Variants in ISM1 observed in about 807,000 individuals in gnomAD.
ISM1 encodes isthmin 1, also known as isthmin-1.
Under a neutral mutation model 46.3 loss-of-function variants are expected in ISM1, and 25 were observed. That is an observed-to-expected ratio of 0.54 (90% CI 0.39 to 0.75). The LOEUF is 0.75. Among genes scored for constraint, ISM1 ranks in the 30% least tolerant of loss-of-function variants. The pLI is 0.00. For synonymous variants in ISM1, 255 were observed against 256.7 expected (o/e 0.99, Z 0.06); for missense variants, 536 against 625.4 (o/e 0.86, Z 1.52).
In ISM1 at chr20:13,226,946, TC is replaced by T. The variant is rs367909548; in HGVS notation, c.138+5033del. The stretch of plus-strand genomic sequence containing the variant: ...TGCGTACAGGGAGGAATCATAGGCA[TC>T]TTTTTATCTTTGTTCTCCTAATTTT... On this transcript the variant is annotated intron_variant, in intron 1 of 5. Coordinates refer to ENST00000262487, the MANE Select transcript of ISM1 (RefSeq NM_080826.2). Among the ~76,000 whole-genome samples, 41 of 152,274 alleles carry T rather than the reference TC, an allele frequency of 2.7e-4. No homozygotes were observed. In the East Asian group the frequency reaches 7.5e-3, roughly 28 times the overall value.
At chr20:13,289,405 G>T (rs573621788) in intron 4 of ISM1, among the ~76,000 whole-genome samples, 1 of 152,164 alleles carries the variant, frequency 6.6e-6, no homozygotes, top group South Asian at 2.1e-4. Context: ...CGCAACCTGG[G>T]GCGTCTTGGT....
chr20:13,236,172 C>T (rs900002350), intron 1 of ISM1, among the ~76,000 whole-genome samples: 2 of 152,144 alleles, frequency 1.3e-5, no homozygotes, highest in African/African-American at 4.8e-5. Context: ...ATCCACCCAC[C>T]TCGGCCTCCC....
intron 2 of ISM1, among the ~76,000 whole-genome samples, chr20:13,275,205 T>C (rs892795667): frequency 4.7e-5 from 6 of 127,926 alleles, no homozygotes; most frequent in Non-Finnish European, 1.1e-4. Context: ...AAGACGGACT[T>C]AAAAATAGTC....
Position 13,221,798 on chromosome 20 carries a change from C to T in ISM1, c.22C>T (p.Leu8=). The T allele has an allele frequency of 7.2e-7, 1 of 1,391,766 alleles. No homozygotes were observed. The highest frequency in any genetic ancestry group is 9.4e-7 in the Non-Finnish European group (1 of 1,068,388). The allele number at this position is 1,391,766 out of a possible 1,614,324, so 86.2% of individuals were successfully genotyped here. A position where few individuals can be genotyped will look rare whatever the true frequency, so the allele number is the denominator to read the frequency against. ...AAGGATGGTGCGCCTGGCGGCCGAG[C>T]TGCTGCTGCTGCTGGGGCTGCTGCT... The part of the protein sequence containing the change: MVRLAAE[L]LLLLGLLLLT... The change falls in exon 1 of 6, where the codon CTG becomes TTG. Residue 8 remains leucine, a synonymous_variant. Transcript: ENST00000262487.
At chr20:13,228,289 A>G (rs1043475318) in intron 1 of ISM1, among the ~76,000 whole-genome samples, 41 of 152,010 alleles carry the variant, frequency 2.7e-4, no homozygotes, top group African/African-American at 9.7e-4. Flanking sequence ...TGCTGCTTCA[A>G]TCTCATACTT....
At chr20:13,271,875 C>T (rs1472370848) in intron 2 of ISM1, among the ~76,000 whole-genome samples, 1 of 152,150 alleles carries the variant, frequency 6.6e-6, no homozygotes, top group Admixed American at 6.5e-5. Context: ...ACCTCCCAGG[C>T]TCAAGCGATC....
At chr20:13,294,832 T>C (rs1440167357) in intron 5 of ISM1, among the ~76,000 whole-genome samples, 1 of 152,188 alleles carries the variant, frequency 6.6e-6, no homozygotes, top group Non-Finnish European at 1.5e-5. Context: ...AGAAGTGCTA[T>C]TTTTATGCCC....
At chr20:13,306,949 C>T in the ISM1 span, among the ~76,000 whole-genome samples, 2 of 152,126 alleles carry the variant, frequency 1.3e-5, no homozygotes, top group African/African-American at 4.8e-5. Flanking sequence ...CCCAAGGCCA[C>T]CTGCTCTGTG....
chr20:13,228,870 C>T (rs1043432763), intron 1 of ISM1, among the ~76,000 whole-genome samples: 22 of 152,106 alleles, frequency 1.4e-4, no homozygotes, highest in African/African-American at 1.4e-4. Context: ...TCTTATGTCT[C>T]GAGGCATTCT....
the ISM1 span, among the ~76,000 whole-genome samples, chr20:13,311,888 T>G: frequency 1.1e-4 from 17 of 152,308 alleles, no homozygotes; most frequent in Middle Eastern, 3.4e-3. Context: ...ATGACTGTAG[T>G]TAATAATCTA....
intron 1 of ISM1, among the ~76,000 whole-genome samples, chr20:13,251,169 C>T (rs1247088076): frequency 1.3e-5 from 2 of 152,190 alleles, no homozygotes; most frequent in Non-Finnish European, 1.5e-5. Context: ...GGATTTCTTT[C>T]ACCCAGTAGT....
chr20:13,239,739 G>A (rs1568665709), intron 1 of ISM1: 1 of 152,192 alleles, frequency 6.6e-6, no homozygotes, highest in African/African-American at 2.4e-5. Flanking sequence ...GTTGTTGTAG[G>A]CAAGAAAGCC....
chr20:13,279,622 T>C lies in ISM1; in HGVS notation c.379-12T>C, dbSNP rs1328189982. 1 of 1,608,412 alleles carries C rather than the reference T, an allele frequency of 6.2e-7. No individual in the cohort carries two copies. The highest frequency in any genetic ancestry group is 1.1e-5 in the South Asian group (1 of 90,464). On this transcript the variant is annotated splice_polypyrimidine_tract_variant and intron_variant, in intron 2 of 5. Coordinates refer to ENST00000262487, the MANE Select transcript of ISM1 (RefSeq NM_080826.2). The stretch of plus-strand genomic sequence containing the variant: ...ACTCCACACTGACCCCAGCCTGTTC[T>C]GAATTCTTCAGGTCACCATAGAGGT...
intron 2 of ISM1, among the ~76,000 whole-genome samples, chr20:13,277,961 A>AT (rs2040199110): frequency 6.6e-6 from 1 of 152,126 alleles, no homozygotes. Flanking sequence ...GGAAGGGGTT[A>AT]TTTGTCTCAG....
rs991809574 is a variant in ISM1 at position 13,221,912 on chromosome 20, C to A, written c.136C>A (p.Gln46Lys). ...GGGCAACGCCAGCCAAGCCCAGCTG[C>A]AGGTGAGTGCGCCGCCGGAGAGGGC... ...AAGNASQAQL[Q>K]NNLNVGSDTT... Residue 46 changes from glutamine (Q) to lysine (K), a missense_variant and splice_region_variant, in exon 1 of 6, where the codon CAG becomes AAG. Physicochemically the swap from Gln to Lys is moderately conservative, Grantham distance 53. Transcript: ENST00000262487. 1.3e-5 allele frequency: 18 copies of A among 1,347,468 alleles called. No individual in the cohort carries two copies. The highest frequency in any genetic ancestry group is 3.8e-5 in the South Asian group (2 of 53,216). The allele number at this position is 1,347,468 out of a possible 1,614,324, so 83.5% of individuals were successfully genotyped here.
chr20:13,253,877 ATGTG>A (rs1041028592), intron 1 of ISM1, among the ~76,000 whole-genome samples: 3 of 98,912 alleles, frequency 3.0e-5, no homozygotes, highest in African/African-American at 4.5e-5. Flanking sequence ...ATATATATAT[ATGTG>A]TGTGTGTATG....
intron 1 of ISM1, among the ~76,000 whole-genome samples, chr20:13,269,221 C>T (rs2123247277): frequency 6.6e-6 from 1 of 152,292 alleles, no homozygotes; most frequent in East Asian, 1.9e-4. Context: ...CCTTGTCTCT[C>T]TCCACCAGTA....
At chr20:13,323,256 G>A in the ISM1 span, among the ~76,000 whole-genome samples, 3 of 152,294 alleles carry the variant, frequency 2.0e-5, no homozygotes, top group South Asian at 6.2e-4. Context: ...GAAATGTGTT[G>A]AAGAAAAGAC....
At chr20:13,318,515 A>T in the ISM1 span, among the ~76,000 whole-genome samples, 68 of 152,340 alleles carry the variant, frequency 4.5e-4, no homozygotes, top group Admixed American at 2.9e-3. Context: ...TGTCCACACA[A>T]AAACAAAAAA....
Sources: gnomAD v4.1 joint callset for allele counts (sites outside exome capture counted in the v4.1 genomes callset) on GRCh38, gnomAD v4.1.1 for gene constraint, MANE v1.5 for transcripts, NCBI Gene and HGNC (gene_info 2026-07-23, HGNC 2026-07-21) for gene names.